The following ANKRD30B variants were observed in gnomAD, a reference collection of about 807,000 sequenced individuals.
The protein encoded by ANKRD30B is ankyrin repeat domain-containing protein 30B.
A neutral mutation model predicts 202.2 loss-of-function variants in ANKRD30B; 144 were observed. That is an observed-to-expected ratio of 0.71 (90% CI 0.62 to 0.82). The LOEUF (loss-of-function observed/expected upper bound fraction) is 0.82, where lower values mean the gene tolerates loss of function less well. Among genes scored for constraint, ANKRD30B ranks in the 40% least tolerant of loss-of-function variants. ANKRD30B has a pLI of 0.00. For synonymous variants in ANKRD30B, 508 were observed against 561.3 expected, an observed-to-expected ratio of 0.91 and a Z score of 1.34; for missense variants, 1,487 against 1,669.1, an observed-to-expected ratio of 0.89 and a Z score of 1.90.
At chr18:14,863,001 T>C in the ANKRD30B span, among the ~76,000 whole-genome samples, 3 of 152,222 alleles carry the variant, frequency 2.0e-5, no homozygotes, top group Non-Finnish European at 4.4e-5. Context: ...CTGCATTGAA[T>C]ATTGGAAGCA....
At chr18:14,847,110 T>A (rs1323137285) in intron 39 of ANKRD30B, among the ~76,000 whole-genome samples, 3 of 143,920 alleles carry the variant, frequency 2.1e-5, no homozygotes, top group Non-Finnish European at 3.0e-5. Flanking sequence ...TGTTTTTTAG[T>A]TATTGATCTG....
the ANKRD30B span, among the ~76,000 whole-genome samples, chr18:14,926,959 AC>A: frequency 6.6e-6 from 1 of 150,954 alleles, no homozygotes; most frequent in African/African-American, 2.4e-5. Context: ...ATGTGTGTGT[AC>A]TCTCTTTATA....
At chr18:14,797,725 T>A in intron 19 of ANKRD30B, 36 bp downstream of exon 19, 2 of 1,607,436 alleles carry the variant, frequency 1.2e-6, no homozygotes, top group Non-Finnish European at 1.7e-6. Flanking sequence ...GAATATTAAC[T>A]ACATATTTTT....
In ANKRD30B at chr18:14,763,798, G is replaced by A. The variant is rs1040310529; in HGVS notation, c.933G>A (p.Glu311=). The A allele has an allele frequency of 1.9e-6, 3 of 1,613,752 alleles. No individual in the cohort carries two copies. The highest frequency in any genetic ancestry group is 2.7e-5 in the African/African-American group (2 of 74,906). ...CTGACGAGGCTGCACGCTTGGTGGA[G>A]GGAACGTCTGCCAAAATTCAATGTC... ...KTPDEAARLV[E]GTSAKIQCLG... The change falls in exon 7 of 44, where the codon GAG becomes GAA. Residue 311 remains glutamate, a synonymous_variant. Transcript: ENST00000690538.
chr18:14,855,520 G>A (rs1437402361), downstream of ANKRD30B, among the ~76,000 whole-genome samples: 20 of 151,174 alleles, frequency 1.3e-4, no homozygotes, highest in Middle Eastern at 3.5e-3. Context: ...CAGATGGGGC[G>A]GCTGGGCAGA....
the ANKRD30B span, among the ~76,000 whole-genome samples, chr18:14,860,161 C>A: frequency 1.3e-4 from 19 of 146,048 alleles, no homozygotes; most frequent in Non-Finnish European, 2.4e-4. Flanking sequence ...GATGGTGTGT[C>A]ATCCATGCAG....
intron 9 of ANKRD30B, among the ~76,000 whole-genome samples, chr18:14,775,942 A>G (rs1353106481): frequency 6.6e-6 from 1 of 152,266 alleles, no homozygotes; most frequent in Non-Finnish European, 1.5e-5. Flanking sequence ...GTTGCATGTG[A>G]TGAAATAATG....
At chr18:14,820,304 G>T (rs1970348237) in intron 30 of ANKRD30B, among the ~76,000 whole-genome samples, 1 of 152,172 alleles carries the variant, frequency 6.6e-6, no homozygotes, top group South Asian at 2.1e-4. Flanking sequence ...CATGTCGTTT[G>T]CAAAGAGGGA....
the ANKRD30B span, among the ~76,000 whole-genome samples, chr18:14,932,789 G>T: frequency 1.3e-4 from 20 of 152,166 alleles, no homozygotes; most frequent in Non-Finnish European, 2.8e-4. Context: ...CACAGCTCTT[G>T]CCCTCTTCTC....
At chr18:14,818,423 C>G (rs931360820) in intron 30 of ANKRD30B, among the ~76,000 whole-genome samples, 9 of 151,892 alleles carry the variant, frequency 5.9e-5, no homozygotes, top group Non-Finnish European at 1.0e-4. Context: ...AGGTTAGTTA[C>G]ATATGTATAC....
In ANKRD30B at chr18:14,772,158, T is replaced by C. The variant is rs770489539; in HGVS notation, c.1259T>C (p.Leu420Pro). ...TGTTGTATCATTTTTCTTTAAAGTC[T>C]TTTTGGCACACGGACTATTGAAAAT... ...DVSSVEPIFSLFGTRTIENSQ... is the reference protein window; with the variant it reads ...DVSSVEPIFSPFGTRTIENSQ... Residue 420 changes from leucine to proline, a missense_variant and splice_region_variant, in exon 9 of 44, where the codon CTT (leucine) becomes CCT (proline). By Grantham distance (98) the Leu-to-Pro change is moderately conservative. Around this residue, in one of 6 missense-constraint regions of ANKRD30B, gnomAD observed 889 missense variants for 841.4 expected, o/e 1.06. Coordinates refer to ENST00000690538, the MANE Select transcript of ANKRD30B (RefSeq NM_001367607.2). The C allele has an allele frequency of 1.3e-6, 2 of 1,494,790 alleles. No individual in the cohort carries two copies. The highest frequency in any genetic ancestry group is 2.7e-5 in the South Asian group (2 of 73,696). The allele number at this position is 1,494,790 out of a possible 1,614,324, so 92.6% of individuals were successfully genotyped here. A position where few individuals can be genotyped will look rare whatever the true frequency, so the allele number is the denominator to read the frequency against.
the ANKRD30B span, among the ~76,000 whole-genome samples, chr18:14,876,337 A>G: frequency 1.3e-5 from 2 of 152,316 alleles, no homozygotes; most frequent in Non-Finnish European, 1.5e-5. Context: ...TTGAGTAAGT[A>G]AGTGCTAAGC....
At chr18:14,754,558 G>T (rs1435919371) in intron 3 of ANKRD30B, among the ~76,000 whole-genome samples, 1 of 152,078 alleles carries the variant, frequency 6.6e-6, no homozygotes, top group Non-Finnish European at 1.5e-5. Flanking sequence ...CAAAAACAAA[G>T]TATTTACTAC....
At chr18:14,807,871 A>G (rs1469092301) in intron 24 of ANKRD30B, among the ~76,000 whole-genome samples, 1 of 151,042 alleles carries the variant, frequency 6.6e-6, no homozygotes, top group African/African-American at 2.4e-5. Flanking sequence ...ACTTTTCTGT[A>G]TAAGTGGATC....
rs189677951 is a variant in ANKRD30B, at chr18:14,789,305, A to G, written c.1735-2096A>G. ...CTGGATATTAGCCCTTTGTCAGAAG[A>G]GTAGGTTGCGAAAATGTTCTCCCAT... is the stretch of plus-strand genomic sequence containing the variant. On this transcript the variant is annotated intron_variant, in intron 15 of 43. Transcript: ENST00000690538. Among the ~76,000 whole-genome samples, 183 of 152,254 alleles carry G rather than the reference A, an allele frequency of 1.2e-3. 1 individual carries two copies. Among genetic ancestry groups the G allele is most frequent in the African/African-American group, 4.3e-3 (178 of 41,538 alleles).
At chr18:14,844,309 A>G (rs1971543260) in intron 39 of ANKRD30B, among the ~76,000 whole-genome samples, 1 of 152,230 alleles carries the variant, frequency 6.6e-6, no homozygotes, top group Non-Finnish European at 1.5e-5. Context: ...AAAATATTTC[A>G]AGTATCACTA....
At chr18:14,921,808 G>A in the ANKRD30B span, among the ~76,000 whole-genome samples, 172 of 152,220 alleles carry the variant, frequency 1.1e-3, no homozygotes, top group Non-Finnish European at 1.9e-3. Flanking sequence ...TTCTCACCAC[G>A]TGGCCTTAGG....
At chr18:14,798,453 A>C (rs1245759249) in intron 20 of ANKRD30B, among the ~76,000 whole-genome samples, 1 of 152,160 alleles carries the variant, frequency 6.6e-6, no homozygotes, top group Non-Finnish European at 1.5e-5. Context: ...TATGATTAGC[A>C]AGATATTAAT....
At chr18:14,890,918 A>C in the ANKRD30B span, among the ~76,000 whole-genome samples, 43 of 152,152 alleles carry the variant, frequency 2.8e-4, no homozygotes, top group Non-Finnish European at 5.4e-4. Context: ...ACATGTTTGC[A>C]TAAGAATGGT....
Sources: gnomAD v4.1 joint callset for allele counts (sites outside exome capture counted in the v4.1 genomes callset) on GRCh38, gnomAD v4.1.1 for gene constraint, gnomAD v4.1.1 regional missense constraint, MANE v1.5 for transcripts, NCBI Gene and HGNC (gene_info 2026-07-23, HGNC 2026-07-21) for gene names.